The following P2RY12 variants were observed in gnomAD, a reference collection of about 807,000 sequenced individuals.
P2RY12 encodes P2Y purinoceptor 12.
P2RY12 carries 3 observed loss-of-function variants against 4.5 expected under a neutral mutation model. That is an observed-to-expected ratio of 0.67 (90% confidence interval 0.31 to 1.74). P2RY12 has a LOEUF of 1.74. Among genes scored for constraint, P2RY12 ranks in the 40% most tolerant of loss-of-function variants. The probability of loss-of-function intolerance (pLI) is 0.09; values close to 1 mark genes in which losing one functional copy is unlikely to be tolerated. For synonymous variants in P2RY12, 148 were observed against 154.1 expected (o/e 0.96, Z 0.29); for missense variants, 356 against 407.8 (o/e 0.87, Z 1.09).
chr3:151,371,921 A>G (rs1029203447), intron 1 of P2RY12, among the ~76,000 whole-genome samples: 1 of 152,172 alleles, frequency 6.6e-6, no homozygotes, highest in Non-Finnish European at 1.5e-5. Context: ...CCTTAGCTTC[A>G]TTTCACTAAG....
intron 1 of P2RY12, among the ~76,000 whole-genome samples, chr3:151,362,016 G>A (rs140695916): frequency 1.3e-3 from 199 of 152,220 alleles, no homozygotes; most frequent in African/African-American, 4.6e-3. Flanking sequence ...GAAGGAGGTA[G>A]GGAAAGGATG....
In P2RY12 at chr3:151,378,130, G is replaced by A. The variant is rs1711550674; in HGVS notation, c.-180+6562C>T. The A allele has an allele frequency of 1.9e-6, 3 of 1,611,006 alleles. No homozygotes were observed. The East Asian group carries it at 6.7e-5, about 36-fold the overall frequency. Reference sequence around the variant, plus strand: ...AGAGCTGGAGAAGGGACAGCACTTGGGTTCTTCTTCCAAAAAGGAAAGGGA... The same window carrying A: ...AGAGCTGGAGAAGGGACAGCACTTGAGTTCTTCTTCCAAAAAGGAAAGGGA... On this transcript the variant is annotated intron_variant, in intron 1 of 2. Transcript: ENST00000302632.
chr3:151,378,246 G>A, intron 1 of P2RY12: 1 of 1,413,910 alleles, frequency 7.1e-7, no homozygotes. Context: ...CTGTAAACCT[G>A]TGTGGTCACT....
intron 1 of P2RY12, among the ~76,000 whole-genome samples, chr3:151,343,452 C>T (rs1752128328): frequency 6.6e-6 from 1 of 152,190 alleles, no homozygotes; most frequent in African/African-American, 2.4e-5. Context: ...TACCTATTTA[C>T]AAACCACCTC....
rs1751195473 is a variant in P2RY12 at position 151,337,707 on chromosome 3, T to A, written c.*110A>T. On this transcript the variant is annotated 3_prime_UTR_variant, in exon 3 of 3. Transcript: ENST00000302632. ...TTTGTAATCTTCTGTTTCTTTAGAG[T>A]CATTATTATTAACTTAGTTGCTTCT... is the stretch of plus-strand genomic sequence containing the variant. 2 of 1,066,252 alleles carry A rather than the reference T, an allele frequency of 1.9e-6. No individual in the cohort carries two copies. Among genetic ancestry groups the A allele is most frequent in the Admixed American group, 4.4e-5 (2 of 45,338 alleles). The allele number at this position is 1,066,252 out of a possible 1,614,324, so 66.0% of individuals were successfully genotyped here.
chr3:151,368,685 A>ATTTTTTTT (rs869105325), intron 1 of P2RY12, among the ~76,000 whole-genome samples: 3 of 41,370 alleles, frequency 7.3e-5, no homozygotes, highest in African/African-American at 4.4e-4. Flanking sequence ...ATGTCATTTC[A>ATTTTTTTT]TTTTATTTCA....
At chr3:151,357,129 G>T in intron 1 of P2RY12, 2 of 1,162,580 alleles carry the variant, frequency 1.7e-6, no homozygotes, top group East Asian at 2.5e-5. Flanking sequence ...TAATGACTCA[G>T]TATATCTATG....
chr3:151,350,343 C>G (rs1753066749), intron 1 of P2RY12: 2 of 683,508 alleles, frequency 2.9e-6, no homozygotes, highest in South Asian at 7.6e-5. Flanking sequence ...GAAATGTGAA[C>G]AAGCACATTT....
intron 1 of P2RY12, among the ~76,000 whole-genome samples, chr3:151,352,180 G>C (rs1039402537): frequency 3.3e-5 from 5 of 152,138 alleles, no homozygotes; most frequent in Non-Finnish European, 4.4e-5. Flanking sequence ...TTAATAAACT[G>C]TGTTGTGTGT....
chr3:151,356,824 TAA>T (rs960908578), intron 1 of P2RY12, among the ~76,000 whole-genome samples: 5 of 152,208 alleles, frequency 3.3e-5, no homozygotes, highest in Non-Finnish European at 7.3e-5. Flanking sequence ...CAAACAGAAA[TAA>T]GACTTGGTTT....
intron 1 of P2RY12, among the ~76,000 whole-genome samples, chr3:151,348,573 CTTTT>C (rs542135245): frequency 7.6e-6 from 1 of 132,386 alleles, no homozygotes; most frequent in Admixed American, 7.6e-5. Context: ...CTCCTAGCTT[CTTTT>C]TTTTTTTTTT....
Position 151,380,355 on chromosome 3 carries a change from G to A in P2RY12, c.-180+4337C>T, listed in dbSNP as rs574340804. The stretch of plus-strand genomic sequence containing the variant: ...CTCATGCCTGTAATCCCAGCACTTT[G>A]GGAGGCGGAGGCTGGTGGATCACCT... On this transcript the variant is annotated intron_variant, in intron 1 of 2. Transcript: ENST00000302632. The A allele has an allele frequency of 1.1e-3, 641 of 570,548 alleles. 4 individuals are homozygous for A. The African/African-American group carries it at 0.012, about 11-fold the overall frequency. The allele number at this position is 570,548 out of a possible 1,614,324, so 35.3% of individuals were successfully genotyped here.
At chr3:151,343,535 G>A (rs1052444977) in intron 1 of P2RY12, among the ~76,000 whole-genome samples, 1 of 152,160 alleles carries the variant, frequency 6.6e-6, no homozygotes, top group African/African-American at 2.4e-5. Context: ...AAATCTTTAA[G>A]TGAAAAGTAT....
intron 1 of P2RY12, among the ~76,000 whole-genome samples, chr3:151,366,312 C>T (rs1347463901): frequency 6.6e-6 from 1 of 152,146 alleles, no homozygotes. Flanking sequence ...TTACCAACTG[C>T]CCTGGATTCC....
intron 1 of P2RY12, among the ~76,000 whole-genome samples, chr3:151,379,647 G>T (rs1711882675): frequency 1.3e-5 from 2 of 152,088 alleles, no homozygotes; most frequent in African/African-American, 4.8e-5. Flanking sequence ...TGGGAAATGT[G>T]CTGAAAAACA....
At chr3:151,377,054 G>C in intron 1 of P2RY12, 1 of 1,614,088 alleles carries the variant, frequency 6.2e-7, no homozygotes, top group Non-Finnish European at 8.5e-7. Flanking sequence ...AACAATAGAG[G>C]TATTCCAGCA....
intron 1 of P2RY12, among the ~76,000 whole-genome samples, chr3:151,346,340 CAA>C (rs1752533589): frequency 6.6e-6 from 1 of 152,240 alleles, no homozygotes; most frequent in African/African-American, 2.4e-5. Flanking sequence ...AGGTCTGAAA[CAA>C]GAGTCTTTTG....
intron 1 of P2RY12, chr3:151,357,456 A>G: frequency 7.8e-7 from 1 of 1,278,102 alleles, no homozygotes; most frequent in Non-Finnish European, 1.1e-6. Context: ...TGGCTTTAAA[A>G]GAAAAATAGT....
intron 1 of P2RY12, among the ~76,000 whole-genome samples, chr3:151,344,606 G>A (rs1221518335): frequency 2.0e-5 from 3 of 152,040 alleles, no homozygotes; most frequent in South Asian, 2.1e-4. Flanking sequence ...GTTTACTTCC[G>A]GATATATACT....
Sources: allele counts gnomAD v4.1 joint callset (sites outside exome capture counted in the v4.1 genomes callset), GRCh38; gene constraint gnomAD v4.1.1; transcripts MANE v1.5; gene names NCBI Gene and HGNC (gene_info 2026-07-23, HGNC 2026-07-21).